The following SEMA6D variants were observed in gnomAD, a reference collection of about 807,000 sequenced individuals.
The protein encoded by SEMA6D is semaphorin 6D, also known as semaphorin-6D.
A neutral mutation model predicts 106.6 loss-of-function variants in SEMA6D; 35 were observed. That is an observed-to-expected ratio of 0.33 (90% CI 0.25 to 0.44). SEMA6D has a LOEUF of 0.44. Ranked by LOEUF, SEMA6D falls within the 20% of genes least tolerant of loss-of-function variation. The pLI is 1.00. For missense variants in SEMA6D, 1,185 were observed against 1,345.9 expected, an observed-to-expected ratio of 0.88 and a Z score of 1.87; for synonymous variants, 499 against 487.7, an observed-to-expected ratio of 1.02 and a Z score of -0.31.
At chr15:47,503,537 T>G (rs1353358981) in intron 3 of SEMA6D, among the ~76,000 whole-genome samples, 1 of 152,166 alleles carries the variant, frequency 6.6e-6, no homozygotes, top group Non-Finnish European at 1.5e-5. Flanking sequence ...TGAAGAAATT[T>G]TGTGAGTTCT....
At chr15:47,452,717 C>T (rs1426201628) in intron 2 of SEMA6D, among the ~76,000 whole-genome samples, 1 of 151,564 alleles carries the variant, frequency 6.6e-6, no homozygotes, top group Non-Finnish European at 1.5e-5. Context: ...TTTAAATTAC[C>T]ATAGCAAATT....
chr15:47,201,806 G>A (rs1894741808), intron 1 of SEMA6D, among the ~76,000 whole-genome samples: 1 of 152,152 alleles, frequency 6.6e-6, no homozygotes, highest in African/African-American at 2.4e-5. Flanking sequence ...CTGTTGGTCA[G>A]ACCACCAGTT....
chr15:47,438,708 A>G (rs2041796203), intron 2 of SEMA6D, among the ~76,000 whole-genome samples: 1 of 151,902 alleles, frequency 6.6e-6, no homozygotes, highest in Non-Finnish European at 1.5e-5. Context: ...TGGGCCTGCC[A>G]TGATCTTTTG....
chr15:47,216,298 A>T (rs972625718), intron 1 of SEMA6D, among the ~76,000 whole-genome samples: 14 of 152,176 alleles, frequency 9.2e-5, no homozygotes, highest in African/African-American at 3.4e-4. Flanking sequence ...GTTTTGAAGC[A>T]GCAAAATGTG....
chr15:47,314,643 C>G (rs1005599518), intron 1 of SEMA6D, among the ~76,000 whole-genome samples: 1 of 127,976 alleles, frequency 7.8e-6, no homozygotes, highest in African/African-American at 2.7e-5. Flanking sequence ...TTTTGGGTAA[C>G]AGGGTAACAG....
intron 1 of SEMA6D, among the ~76,000 whole-genome samples, chr15:47,243,193 C>T (rs1001464300): frequency 2.6e-5 from 4 of 152,020 alleles, no homozygotes; most frequent in Non-Finnish European, 5.9e-5. Flanking sequence ...GAAGAGGATT[C>T]GAAGTAGAAG....
chr15:47,287,056 G>A (rs1033894803), intron 1 of SEMA6D, among the ~76,000 whole-genome samples: 1 of 152,186 alleles, frequency 6.6e-6, no homozygotes, highest in Admixed American at 6.5e-5. Context: ...GGCCATGTGA[G>A]TTAGGTCTGA....
intron 4 of SEMA6D, among the ~76,000 whole-genome samples, chr15:47,661,169 A>G (rs183495831): frequency 2.4e-4 from 37 of 152,334 alleles, no homozygotes; most frequent in Admixed American, 2.4e-3. Context: ...AACATCTCCA[A>G]TATGCAATTC....
intron 2 of SEMA6D, among the ~76,000 whole-genome samples, chr15:47,431,274 T>C (rs1456945391): frequency 6.6e-6 from 1 of 152,142 alleles, no homozygotes; most frequent in Admixed American, 6.6e-5. Flanking sequence ...TTTTATTTTG[T>C]TTATTAAATT....
chr15:47,612,680 T>C (rs2076931435), intron 4 of SEMA6D, among the ~76,000 whole-genome samples: 1 of 152,248 alleles, frequency 6.6e-6, no homozygotes, highest in Admixed American at 6.5e-5. Context: ...CAATGAACTT[T>C]CTTGTGAATG....
At chr15:47,393,893 A>G (rs149056659) in intron 1 of SEMA6D, among the ~76,000 whole-genome samples, 10 of 152,292 alleles carry the variant, frequency 6.6e-5, no homozygotes, top group Admixed American at 3.9e-4. Context: ...CCGCACTGGC[A>G]TGTTATATAA....
At chr15:47,398,152 T>A (rs1178883982) in intron 1 of SEMA6D, among the ~76,000 whole-genome samples, 1 of 152,222 alleles carries the variant, frequency 6.6e-6, no homozygotes, top group African/African-American at 2.4e-5. Context: ...AAAAAATGAT[T>A]AAGAATTTTT....
intron 1 of SEMA6D, among the ~76,000 whole-genome samples, chr15:47,341,642 T>A (rs1475654161): frequency 6.6e-6 from 1 of 152,182 alleles, no homozygotes; most frequent in African/African-American, 2.4e-5. Context: ...AGTACTTTTT[T>A]TAACTATAAA....
rs111256165 is a variant in SEMA6D at position 47,731,312 on chromosome 15, G to GCC, written c.-55+13626_-55+13627dup. The stretch of plus-strand genomic sequence containing the variant: ...TCAGTTATATCCCCAAAGAGCCACT[G>GCC]CCCCCCCGCCCCCGGTTGAACACAT... On this transcript the variant is annotated intron_variant, in intron 1 of 18. Transcript: ENST00000536845. Among the ~76,000 whole-genome samples, 21 of 150,462 alleles carry GCC rather than the reference G, an allele frequency of 1.4e-4. 1 individual carries two copies. Among genetic ancestry groups the GCC allele is most frequent in the South Asian group, 1.3e-3 (6 of 4,654 alleles).
intron 1 of SEMA6D, among the ~76,000 whole-genome samples, chr15:47,220,396 G>T (rs975457388): frequency 5.9e-5 from 9 of 152,240 alleles, no homozygotes; most frequent in Admixed American, 3.3e-4. Flanking sequence ...ATATTTAAAA[G>T]ATATATTTTG....
At chr15:47,587,923 G>A (rs2076372082) in intron 3 of SEMA6D, among the ~76,000 whole-genome samples, 1 of 152,004 alleles carries the variant, frequency 6.6e-6, no homozygotes, top group South Asian at 2.1e-4. Context: ...TGAGAGTTGA[G>A]ATGGCAACAT....
chr15:47,528,322 G>T (rs75305973), intron 3 of SEMA6D, among the ~76,000 whole-genome samples: 5,252 of 152,184 alleles, frequency 0.035, 304 homozygotes, highest in African/African-American at 0.12. Context: ...TCTAGATCTT[G>T]CTCATCACTT....
intron 1 of SEMA6D, among the ~76,000 whole-genome samples, chr15:47,759,507 C>A (rs897039319): frequency 2.0e-4 from 31 of 152,162 alleles, no homozygotes; most frequent in African/African-American, 7.2e-4. Flanking sequence ...ACAATTACCT[C>A]CAAAATTCTC....
chr15:47,314,946 A>G (rs2036600564), intron 1 of SEMA6D, among the ~76,000 whole-genome samples: 1 of 132,994 alleles, frequency 7.5e-6, no homozygotes, highest in Non-Finnish European at 1.5e-5. Context: ...GCTCACTGCA[A>G]GCTCCGCCTC....
Sources: allele counts gnomAD v4.1 joint callset (sites outside exome capture counted in the v4.1 genomes callset), GRCh38; gene constraint gnomAD v4.1.1; transcripts MANE v1.5; gene names NCBI Gene and HGNC (gene_info 2026-07-23, HGNC 2026-07-21).